Variants in GOLGA5 observed in about 807,000 individuals in gnomAD.
GOLGA5 encodes the protein golgin subfamily A member 5.
A neutral mutation model predicts 93.5 loss-of-function variants in GOLGA5; 50 were observed. The ratio of observed to expected loss-of-function variants is 0.53; its 90% CI spans 0.43 to 0.68. The LOEUF is 0.68. Among genes scored for constraint, GOLGA5 ranks in the 30% least tolerant of loss-of-function variants. GOLGA5 has a pLI of 0.00. For missense variants in GOLGA5, 760 were observed against 856.4 expected, an observed-to-expected ratio of 0.89 and a Z score of 1.40; for synonymous variants, 312 against 304.5, an observed-to-expected ratio of 1.02 and a Z score of -0.26.
chr14:92,807,522 A>C (rs1885014558), intron 3 of GOLGA5, among the ~76,000 whole-genome samples: 1 of 152,222 alleles, frequency 6.6e-6, no homozygotes, highest in Non-Finnish European at 1.5e-5. Context: ...ATGAAATTGA[A>C]GAACTGAGAG....
At chr14:92,802,259 T>C (rs1422848670) in intron 2 of GOLGA5, among the ~76,000 whole-genome samples, 1 of 152,204 alleles carries the variant, frequency 6.6e-6, no homozygotes, top group Admixed American at 6.5e-5. Flanking sequence ...TATTCCTAAG[T>C]AGTTTATATT....
At chr14:92,825,809 G>A (rs1885406419) in intron 9 of GOLGA5, among the ~76,000 whole-genome samples, 1 of 141,890 alleles carries the variant, frequency 7.0e-6, no homozygotes, top group African/African-American at 2.6e-5. Flanking sequence ...TGAGCTCTCA[G>A]TGCACCTCTA....
chr14:92,832,183 A>AT, intron 9 of GOLGA5, among the ~76,000 whole-genome samples: 1 of 151,988 alleles, frequency 6.6e-6, no homozygotes, highest in East Asian at 1.9e-4. Flanking sequence ...AACAAAGAGT[A>AT]TGAAGTATGT....
chr14:92,826,524 T>C (rs993345929), intron 9 of GOLGA5, among the ~76,000 whole-genome samples: 4 of 151,948 alleles, frequency 2.6e-5, no homozygotes, highest in Non-Finnish European at 5.9e-5. Context: ...AGCAAAACCC[T>C]GTCTCTATTG....
At chr14:92,809,857 G>A (rs900886334) in intron 4 of GOLGA5, among the ~76,000 whole-genome samples, 5 of 152,300 alleles carry the variant, frequency 3.3e-5, no homozygotes, top group African/African-American at 1.2e-4. Context: ...TACTCAGGAG[G>A]CGAGGCAGCA....
At chr14:92,806,667 C>G (rs890244889) in intron 2 of GOLGA5, 69 bp from the exon 3 acceptor site, 2 of 1,035,134 alleles carry the variant, frequency 1.9e-6, no homozygotes, top group Non-Finnish European at 3.0e-6. Context: ...AGCATCCTAC[C>G]AAAGCAAGTT....
chr14:92,837,304 A>G, intron 11 of GOLGA5, 82 bp from the exon 12 acceptor site: 1 of 707,130 alleles, frequency 1.4e-6, no homozygotes, highest in Non-Finnish European at 2.5e-6. Context: ...ATTTATCAGC[A>G]TCATTAGATA....
intron 6 of GOLGA5, among the ~76,000 whole-genome samples, chr14:92,812,121 T>G (rs772046860): frequency 6.6e-6 from 1 of 152,158 alleles, no homozygotes; most frequent in Non-Finnish European, 1.5e-5. Context: ...CTCACCCAGC[T>G]TTTTTTCCCC....
rs559927342 is a variant in GOLGA5 at position 92,826,233 on chromosome 14, C to T, written c.1719+1589C>T. Among the ~76,000 whole-genome samples, 343 of 150,138 alleles carry T rather than the reference C, an allele frequency of 2.3e-3. 1 individual carries two copies. Among genetic ancestry groups the T allele is most frequent in the African/African-American group, 8.1e-3 (331 of 40,754 alleles). On this transcript the variant is annotated intron_variant, in intron 9 of 12. Transcript: ENST00000163416. ...TTAGAAGAGAGCAAAACCTTTGTCCCGTAGAATTAAGTTGACTTGTACAAT... is the reference window on the plus strand; with the variant it reads ...TTAGAAGAGAGCAAAACCTTTGTCCTGTAGAATTAAGTTGACTTGTACAAT...
intron 10 of GOLGA5, 139 bp from the exon 11 acceptor site, chr14:92,835,420 T>C: frequency 8.3e-6 from 4 of 481,554 alleles, no homozygotes; most frequent in Non-Finnish European, 1.5e-5. Flanking sequence ...CCTTTCTTTA[T>C]AGTTTCATCT....
chr14:92,832,404 G>A (rs151086079), intron 9 of GOLGA5, among the ~76,000 whole-genome samples: 13 of 152,274 alleles, frequency 8.5e-5, no homozygotes, highest in Non-Finnish European at 1.8e-4. Flanking sequence ...AAACGTGGCC[G>A]GCATAGCGGA....
intron 2 of GOLGA5, among the ~76,000 whole-genome samples, chr14:92,802,679 G>A (rs1319030870): frequency 1.3e-5 from 2 of 151,252 alleles, no homozygotes; most frequent in Non-Finnish European, 2.9e-5. Context: ...CTCTACCCTT[G>A]GAGATAATAT....
chr14:92,821,846 A>G (rs893653094), intron 8 of GOLGA5, among the ~76,000 whole-genome samples: 2 of 152,310 alleles, frequency 1.3e-5, no homozygotes, highest in East Asian at 1.9e-4. Context: ...CAGAAATTGC[A>G]TTTTAATTTA....
At position 92,804,536 on chromosome 14, in the gene GOLGA5, T is replaced by C. The variant is rs140661767; in HGVS notation, c.545-2200T>C. On this transcript the variant is annotated intron_variant, in intron 2 of 12. Transcript: ENST00000163416. ...ACCTGCACCCTCCGCACAATTAATT[T>C]GAAGCAAATCACAGATCTTATATCA... 2.0e-5 allele frequency among the ~76,000 whole-genome samples: 3 copies of C among 152,262 alleles called. No individual in the cohort carries two copies. In the East Asian group the frequency reaches 5.8e-4, roughly 29 times the overall value.
intron 9 of GOLGA5, among the ~76,000 whole-genome samples, chr14:92,832,708 T>TG (rs1342451490): frequency 6.6e-6 from 1 of 152,228 alleles, no homozygotes; most frequent in Non-Finnish European, 1.5e-5. Context: ...CGGAGGCTTT[T>TG]GAATCCCTGT....
chr14:92,809,424 C>T lies in GOLGA5; in HGVS notation c.897C>T (p.Ser299=). 6.2e-7 allele frequency: 1 copy of T among 1,613,686 alleles called. No individual in the cohort carries two copies. The highest frequency in any genetic ancestry group is 8.5e-7 in the Non-Finnish European group (1 of 1,179,694). The change falls in exon 4 of 13, where the codon TCC becomes TCT. Residue 299 remains serine, a synonymous_variant. Transcript: ENST00000163416. ...CTGAAGCTGTGGCTGCAAAGGATTC[C>T]CAGCTGGCTGTACTGAAAGTGAGAC... is the stretch of plus-strand genomic sequence containing the variant. ...DLTEAVAAKD[S]QLAVLKVRLQ...
chr14:92,827,364 G>C (rs573530825), intron 9 of GOLGA5, among the ~76,000 whole-genome samples: 1 of 152,226 alleles, frequency 6.6e-6, no homozygotes, highest in Non-Finnish European at 1.5e-5. Context: ...AATTATATCT[G>C]TGGTGATCTG....
rs148864626 is a variant in GOLGA5, at chr14:92,815,343, C to T, written c.1321-908C>T. ...AGTGGTTTTTCCTCTCAGAACTCTG[C>T]AAGTAATCTGACCATATCCTTTTCT... On this transcript the variant is annotated intron_variant, in intron 6 of 12. Coordinates refer to ENST00000163416, the MANE Select transcript of GOLGA5 (RefSeq NM_005113.4). Among the ~76,000 whole-genome samples the T allele has an allele frequency of 7.2e-3, 1,092 of 152,300 alleles. 10 individuals carry two copies. The highest frequency in any genetic ancestry group is 0.024 in the African/African-American group (1,005 of 41,570).
intron 7 of GOLGA5, among the ~76,000 whole-genome samples, chr14:92,817,507 T>G (rs1012304948): frequency 6.6e-6 from 1 of 152,212 alleles, no homozygotes; most frequent in South Asian, 2.1e-4. Context: ...TTATAGTTTA[T>G]GTATAATTAC....
Sources: allele counts gnomAD v4.1 joint callset (sites outside exome capture counted in the v4.1 genomes callset), GRCh38; gene constraint gnomAD v4.1.1; transcripts MANE v1.5; gene names NCBI Gene and HGNC (gene_info 2026-07-23, HGNC 2026-07-21).